DOCK4: variants seen among roughly 807,000 people sequenced by gnomAD.
DOCK4 encodes the protein dedicator of cytokinesis 4.
Under a neutral mutation model 268.1 loss-of-function variants are expected in DOCK4, and 97 were observed. The ratio of observed to expected loss-of-function variants is 0.36; its 90% CI spans 0.31 to 0.43. DOCK4 has a LOEUF of 0.43. Among genes scored for constraint, DOCK4 ranks in the 20% least tolerant of loss-of-function variants. The probability of loss-of-function intolerance (pLI) is 1.00; values close to 1 mark genes in which losing one functional copy is unlikely to be tolerated. For missense variants in DOCK4, 2,145 were observed against 2,455.7 expected (o/e 0.87, Z 2.67); for synonymous variants, 954 against 887.2 (o/e 1.08, Z -1.34).
At chr7:111,937,763 G>C (rs1339389259) in intron 11 of DOCK4, among the ~76,000 whole-genome samples, 1 of 152,212 alleles carries the variant, frequency 6.6e-6, no homozygotes, top group African/African-American at 2.4e-5. Flanking sequence ...TAACTGGAGA[G>C]CTCAGATGCT....
intron 1 of DOCK4, among the ~76,000 whole-genome samples, chr7:112,077,988 T>C (rs1808236148): frequency 3.9e-5 from 6 of 152,108 alleles, no homozygotes; most frequent in Admixed American, 3.9e-4. Context: ...CCTAAGTGAG[T>C]AAAATTCTAT....
intron 1 of DOCK4, among the ~76,000 whole-genome samples, chr7:112,177,311 T>C (rs1020687965): frequency 6.6e-6 from 1 of 152,210 alleles, no homozygotes; most frequent in African/African-American, 2.4e-5. Flanking sequence ...TCTTCCGAAA[T>C]ACATAGATGA....
chr7:112,026,146 C>A (rs111485097), intron 1 of DOCK4, among the ~76,000 whole-genome samples: 6 of 152,354 alleles, frequency 3.9e-5, no homozygotes, highest in African/African-American at 1.4e-4. Context: ...GGGTCCCCAG[C>A]CCCCAGGCCA....
At chr7:111,994,099 TACC>T in intron 5 of DOCK4, 33 bp downstream of exon 5, 1 of 1,387,960 alleles carries the variant, frequency 7.2e-7, no homozygotes, top group South Asian at 1.2e-5. Flanking sequence ...AACAATTCTT[TACC>T]CGAAAAATCG....
chr7:111,758,083 C>G (rs1360477738), intron 41 of DOCK4, among the ~76,000 whole-genome samples: 1 of 152,084 alleles, frequency 6.6e-6, no homozygotes, highest in Non-Finnish European at 1.5e-5. Flanking sequence ...TGCTTTTACT[C>G]GGAGTCCTGA....
chr7:112,098,687 T>C (rs1810383116), intron 1 of DOCK4, among the ~76,000 whole-genome samples: 1 of 149,878 alleles, frequency 6.7e-6, no homozygotes, highest in Non-Finnish European at 1.5e-5. Context: ...ATATAGATTA[T>C]GTAAAATTAT....
At chr7:112,092,533 C>A (rs530084570) in intron 1 of DOCK4, among the ~76,000 whole-genome samples, 2 of 152,106 alleles carry the variant, frequency 1.3e-5, no homozygotes, top group Non-Finnish European at 2.9e-5. Flanking sequence ...TCTACCTGAA[C>A]GGAAAGAATC....
chr7:112,101,350 T>C (rs259310), intron 1 of DOCK4, among the ~76,000 whole-genome samples: 49,479 of 152,186 alleles, frequency 0.33, 8,634 homozygotes, highest in Non-Finnish European at 0.39. Context: ...CCTGTCTACT[T>C]CATAGCTCTC....
At chr7:111,873,063 G>A (rs545139813) in intron 17 of DOCK4, among the ~76,000 whole-genome samples, 1 of 152,258 alleles carries the variant, frequency 6.6e-6, no homozygotes, top group African/African-American at 2.4e-5. Flanking sequence ...GGTCTTCTTG[G>A]CAATGTGACC....
chr7:111,774,923 G>A (rs1798351253), intron 36 of DOCK4, among the ~76,000 whole-genome samples: 1 of 152,180 alleles, frequency 6.6e-6, no homozygotes, highest in South Asian at 2.1e-4. Context: ...GCACGGGTGA[G>A]CTGTTATAAA....
At chr7:111,920,559 C>CTTA (rs2134575640) in intron 12 of DOCK4, among the ~76,000 whole-genome samples, 1 of 152,220 alleles carries the variant, frequency 6.6e-6, no homozygotes, top group Admixed American at 6.5e-5. Flanking sequence ...TTCTTATCAT[C>CTTA]CTACTTCACT....
chr7:112,123,347 C>T (rs1180561380), intron 1 of DOCK4, among the ~76,000 whole-genome samples: 2 of 152,152 alleles, frequency 1.3e-5, no homozygotes, highest in African/African-American at 4.8e-5. Context: ...TTCAGTTCAG[C>T]ATGTCAAAGT....
At chr7:112,073,033 A>T (rs1451517937) in intron 1 of DOCK4, among the ~76,000 whole-genome samples, 1 of 152,134 alleles carries the variant, frequency 6.6e-6, no homozygotes, top group Non-Finnish European at 1.5e-5. Context: ...GCATGGGAAC[A>T]TCTAAAACCC....
intron 4 of DOCK4, among the ~76,000 whole-genome samples, chr7:111,997,311 T>G (rs1800048180): frequency 6.6e-6 from 1 of 152,248 alleles, no homozygotes; most frequent in Non-Finnish European, 1.5e-5. Flanking sequence ...GTAGTGGTAA[T>G]TATTAGAATT....
In DOCK4 at chr7:111,739,492, G is replaced by T. The variant is rs781287293; in HGVS notation, c.5041-15C>A. The T allele has an allele frequency of 6.4e-7, 1 of 1,556,266 alleles. No homozygotes were observed. The highest frequency in any genetic ancestry group is 8.7e-7 in the Non-Finnish European group (1 of 1,149,040). On this transcript the variant is annotated splice_polypyrimidine_tract_variant and intron_variant, in intron 47 of 52. Transcript: ENST00000428084. ...GATGGACTTGGCTGGAAACACACAG[G>T]GAGCTATTATCATACCCTGATTAAA...
intron 30 of DOCK4, among the ~76,000 whole-genome samples, chr7:111,802,075 A>G (rs970200252): frequency 6.6e-6 from 1 of 152,090 alleles, no homozygotes; most frequent in Non-Finnish European, 1.5e-5. Flanking sequence ...TCCTCATTCT[A>G]TCAACACATA....
chr7:112,129,188 G>T (rs1237083229), intron 1 of DOCK4, among the ~76,000 whole-genome samples: 1 of 152,174 alleles, frequency 6.6e-6, no homozygotes, highest in African/African-American at 2.4e-5. Context: ...ATAAGCTCTG[G>T]TGCATACTAT....
rs190203458 is a variant in DOCK4, at chr7:112,010,571, G to A, written c.38-6440C>T. Among the ~76,000 whole-genome samples, 32 of 152,270 alleles carry A rather than the reference G, an allele frequency of 2.1e-4. 1 individual carries two copies. In the East Asian group the frequency reaches 6.0e-3, roughly 29 times the overall value. ...ACTGGGAAGAATAGAGAAATGCTGT[G>A]TTCCATCTTCTGATCCTCAGACCTG... is the stretch of plus-strand genomic sequence containing the variant. On this transcript the variant is annotated intron_variant, in intron 1 of 52. Coordinates refer to ENST00000428084, the MANE Select transcript of DOCK4 (RefSeq NM_001363540.2).
intron 2 of DOCK4, among the ~76,000 whole-genome samples, chr7:112,003,301 T>A (rs1562980593): frequency 1.3e-5 from 2 of 151,728 alleles, no homozygotes; most frequent in African/African-American, 4.8e-5. Flanking sequence ...GACAGGAGGA[T>A]CCCTTGAGCC....
Sources: gnomAD v4.1 joint callset for allele counts (sites outside exome capture counted in the v4.1 genomes callset) on GRCh38, gnomAD v4.1.1 for gene constraint, MANE v1.5 for transcripts, NCBI Gene and HGNC (gene_info 2026-07-23, HGNC 2026-07-21) for gene names.